The following PYGO1 variants were observed in gnomAD, a reference collection of about 807,000 sequenced individuals.
PYGO1 encodes pygopus family PHD finger 1.
PYGO1 carries 6 observed loss-of-function variants against 29.5 expected under a neutral mutation model. The observed-to-expected ratio is 0.20, with a 90% CI of 0.11 to 0.40. The LOEUF (loss-of-function observed/expected upper bound fraction) is 0.40. Ranked by LOEUF, PYGO1 falls within the 10% of genes least tolerant of loss-of-function variation. The pLI is 1.00. For synonymous variants in PYGO1, 186 were observed against 180.5 expected (o/e 1.03, Z -0.24); for missense variants, 515 against 514.9 (o/e 1.00, Z 0.00).
chr15:55,572,457 G>T (rs2058984017), intron 1 of PYGO1, among the ~76,000 whole-genome samples: 1 of 152,178 alleles, frequency 6.6e-6, no homozygotes, highest in African/African-American at 2.4e-5. Flanking sequence ...ACTCCTGGAA[G>T]AAAAGAGAGG....
At chr15:55,554,420 T>C (rs923577712) in intron 1 of PYGO1, among the ~76,000 whole-genome samples, 126 of 145,812 alleles carry the variant, frequency 8.6e-4, no homozygotes, top group African/African-American at 3.1e-3. Context: ...AGTGAGCTGA[T>C]ATTGAACCAC....
intron 1 of PYGO1, among the ~76,000 whole-genome samples, chr15:55,552,828 C>T (rs2058885592): frequency 6.6e-6 from 1 of 152,156 alleles, no homozygotes; most frequent in South Asian, 2.1e-4. Flanking sequence ...AAGAATCCTG[C>T]AAGGCAAAAG....
rs117200819 is a variant in PYGO1, at chr15:55,555,427, G to A, written c.50-6432C>T. Among the ~76,000 whole-genome samples the A allele has an allele frequency of 4.4e-3, 659 of 148,782 alleles. 4 individuals carry two copies. The highest frequency in any genetic ancestry group is 0.011 in the Admixed American group (162 of 14,660). Reference sequence around the variant, plus strand: ...AGCACTGAGGTACATGACCAATGAAGCAACCACATAAACAAGCCTGCAAAT... The same window carrying A: ...AGCACTGAGGTACATGACCAATGAAACAACCACATAAACAAGCCTGCAAAT... On this transcript the variant is annotated intron_variant, in intron 1 of 2. Coordinates refer to ENST00000563719, the MANE Select transcript of PYGO1 (RefSeq NM_001367806.1).
At chr15:55,587,003 A>G (rs1185303471) in intron 1 of PYGO1, among the ~76,000 whole-genome samples, 3 of 152,256 alleles carry the variant, frequency 2.0e-5, no homozygotes, top group Non-Finnish European at 4.4e-5. Context: ...AACAGTGTCT[A>G]GCACATAGTA....
At chr15:55,579,068 G>A (rs1469225663) in intron 1 of PYGO1, among the ~76,000 whole-genome samples, 1 of 152,068 alleles carries the variant, frequency 6.6e-6, no homozygotes, top group African/African-American at 2.4e-5. Flanking sequence ...GGTAAATAAA[G>A]AATTGACAGT....
At chr15:55,583,002 C>A (rs191602424) in intron 1 of PYGO1, among the ~76,000 whole-genome samples, 27 of 152,194 alleles carry the variant, frequency 1.8e-4, no homozygotes, top group Non-Finnish European at 3.4e-4. Context: ...TAAAATACAT[C>A]CTTATCCCTT....
At chr15:55,587,698 GC>G in intron 1 of PYGO1, 136 bp downstream of exon 1, 1 of 1,180,312 alleles carries the variant, frequency 8.5e-7, no homozygotes, top group Non-Finnish European at 1.0e-6. Flanking sequence ...CGCAGCCTCG[GC>G]CCCGGGGTGC....
intron 1 of PYGO1, among the ~76,000 whole-genome samples, chr15:55,573,129 A>G (rs1360237802): frequency 1.3e-5 from 2 of 152,066 alleles, no homozygotes; most frequent in Non-Finnish European, 2.9e-5. Flanking sequence ...ACATGGTGAA[A>G]CCCTGTCTCT....
intron 1 of PYGO1, among the ~76,000 whole-genome samples, chr15:55,552,361 C>CAAAAAA (rs56789656): frequency 3.0e-4 from 16 of 52,992 alleles, no homozygotes; most frequent in Admixed American, 8.9e-4. Context: ...ACTCTGTCTC[C>CAAAAAA]AAAAAAAAAA....
intron 1 of PYGO1, among the ~76,000 whole-genome samples, chr15:55,566,078 G>C (rs2058955117): frequency 6.6e-6 from 1 of 152,178 alleles, no homozygotes; most frequent in African/African-American, 2.4e-5. Context: ...ACCGTGTCTG[G>C]CTTTTATTTT....
intron 1 of PYGO1, among the ~76,000 whole-genome samples, chr15:55,562,631 A>T (rs1724759445): frequency 6.6e-6 from 1 of 151,554 alleles, no homozygotes; most frequent in African/African-American, 2.4e-5. Flanking sequence ...AGATCACGCC[A>T]TTACACTCCA....
chr15:55,567,682 G>C (rs1207089977), intron 1 of PYGO1, among the ~76,000 whole-genome samples: 3 of 152,086 alleles, frequency 2.0e-5, no homozygotes. Flanking sequence ...TCTTTTGCAA[G>C]ACTGTTGTCC....
Position 55,566,951 on chromosome 15 carries a change from C to T in PYGO1, c.50-17956G>A, listed in dbSNP as rs906085311. On this transcript the variant is annotated intron_variant, in intron 1 of 2. Transcript: ENST00000563719. ...TTTGCCATGCTGTCCAGACTGATCTCGAACTCCTGGGCTCAAGCAATCCAC... is the reference window on the plus strand; with the variant it reads ...TTTGCCATGCTGTCCAGACTGATCTTGAACTCCTGGGCTCAAGCAATCCAC... Among the ~76,000 whole-genome samples the T allele has an allele frequency of 3.2e-4, 49 of 152,220 alleles. 1 individual carries two copies. The highest frequency in any genetic ancestry group is 2.0e-4 in the Admixed American group (3 of 15,278).
chr15:55,555,473 G>A (rs1303883537), intron 1 of PYGO1, among the ~76,000 whole-genome samples: 1 of 136,944 alleles, frequency 7.3e-6, no homozygotes, highest in Non-Finnish European at 1.5e-5. Context: ...ACATCATGAT[G>A]ACAGGATCAA....
Position 55,548,795 on chromosome 15 carries a change from T to G in PYGO1, c.135+115A>C, listed in dbSNP as rs553788422. 18 of 505,796 alleles carry G rather than the reference T, an allele frequency of 3.6e-5. No homozygotes were observed. The South Asian group carries it at 5.7e-4, about 16-fold the overall frequency. The allele number at this position is 505,796 out of a possible 1,614,324, so 31.3% of individuals were successfully genotyped here. A position where few individuals can be genotyped will look rare whatever the true frequency, so the allele number is the denominator to read the frequency against. ...GATTGATTGAAAGTACAATGAATGA[T>G]TAAAAGTACAATCACTTGAATAGAA... On this transcript the variant is annotated intron_variant, in intron 2 of 2. Coordinates refer to ENST00000563719, the MANE Select transcript of PYGO1 (RefSeq NM_001367806.1).
intron 1 of PYGO1, among the ~76,000 whole-genome samples, chr15:55,581,786 A>G (rs2141677984): frequency 6.7e-6 from 1 of 149,762 alleles, no homozygotes; most frequent in Non-Finnish European, 1.5e-5. Flanking sequence ...CAATGTGGAA[A>G]TGGATTAAGA....
At position 55,585,156 on chromosome 15, in the gene PYGO1, C is replaced by G. The variant is rs532795908; in HGVS notation, c.49+2679G>C. Among the ~76,000 whole-genome samples the G allele has an allele frequency of 8.9e-4, 135 of 152,262 alleles. 1 individual carries two copies. The South Asian group carries it at 0.028, about 31-fold the overall frequency. ...CTATAATATTACTTTCTTAATAATT[C>G]ATGTAATTGCTATATGTGTGTTAAT... On this transcript the variant is annotated intron_variant, in intron 1 of 2. Coordinates refer to ENST00000563719, the MANE Select transcript of PYGO1 (RefSeq NM_001367806.1).
chr15:55,577,238 A>G (rs2059006788), intron 1 of PYGO1, among the ~76,000 whole-genome samples: 1 of 152,184 alleles, frequency 6.6e-6, no homozygotes, highest in South Asian at 2.1e-4. Context: ...AGGCTGATCA[A>G]GGATTCAAAA....
chr15:55,555,180 G>A (rs900470493), intron 1 of PYGO1, among the ~76,000 whole-genome samples: 2 of 152,124 alleles, frequency 1.3e-5, no homozygotes, highest in African/African-American at 2.4e-5. Flanking sequence ...AACCCTACAT[G>A]CCACAAGGGA....
Sources: allele counts gnomAD v4.1 joint callset (sites outside exome capture counted in the v4.1 genomes callset), GRCh38; gene constraint gnomAD v4.1.1; transcripts MANE v1.5; gene names NCBI Gene and HGNC (gene_info 2026-07-23, HGNC 2026-07-21).